PMS2: variants seen among roughly 807,000 people sequenced by gnomAD.
PMS2 encodes mismatch repair endonuclease PMS2.
Under a neutral mutation model 90.0 loss-of-function variants are expected in PMS2, and 69 were observed. That is an observed-to-expected ratio of 0.77 (90% confidence interval 0.63 to 0.94). The LOEUF (loss-of-function observed/expected upper bound fraction) is 0.94. Ranked by LOEUF, PMS2 falls within the 40% of genes least tolerant of loss-of-function variation. The pLI, the probability that PMS2 is intolerant of heterozygous loss-of-function variation, is 0.00. For missense variants in PMS2, 966 were observed against 1,040.2 expected (o/e 0.93, Z 0.98); for synonymous variants, 332 against 375.1 (o/e 0.89, Z 1.33).
intron 2 of PMS2, 56 bp from the exon 3 acceptor site, chr7:6,004,114 T>C (rs1785439988): frequency 1.1e-6 from 1 of 936,544 alleles, no homozygotes; most frequent in Non-Finnish European, 1.7e-6. Flanking sequence ...GCTATCAGTT[T>C]TTATATTGAC....
chr7:5,978,945 A>C (rs1381750754), intron 12 of PMS2, among the ~76,000 whole-genome samples: 1 of 149,124 alleles, frequency 6.7e-6, no homozygotes, highest in Non-Finnish European at 1.5e-5. Flanking sequence ...CTGTAATCTC[A>C]GCACTTTAGG....
At chr7:5,999,391 G>A (rs1562679971) in intron 5 of PMS2, 116 bp from the exon 6 acceptor site, 8 of 909,324 alleles carry the variant, frequency 8.8e-6, no homozygotes. Context: ...ATCAAGGGAA[G>A]CACTGTTGAC....
intron 11 of PMS2, among the ~76,000 whole-genome samples, chr7:5,983,576 T>C (rs1467517187): frequency 6.6e-6 from 1 of 151,908 alleles, no homozygotes; most frequent in African/African-American, 2.4e-5. Flanking sequence ...ATCTTAATTC[T>C]CCATTCTGTC....
chr7:5,982,139 C>T (rs1346953755), intron 12 of PMS2, among the ~76,000 whole-genome samples: 1 of 151,590 alleles, frequency 6.6e-6, no homozygotes, highest in Non-Finnish European at 1.5e-5. Flanking sequence ...CCTCAGTCTC[C>T]TGAGTAGCTG....
chr7:6,006,408 T>A (rs1196775307), intron 1 of PMS2, among the ~76,000 whole-genome samples: 1 of 152,114 alleles, frequency 6.6e-6, no homozygotes, highest in East Asian at 1.9e-4. Context: ...TCCCAGCACT[T>A]TGGGAAGCAG....
rs1554295876 is a variant in PMS2 at position 5,982,917 on chromosome 7, T to C, written c.2081A>G (p.Asp694Gly). Residue 694 changes from aspartate to glycine, a missense_variant, in exon 12 of 15, where the codon GAT becomes GGT. By Grantham distance (94) the Asp-to-Gly change is moderately conservative (BLOSUM62 -1). This residue lies in a region of PMS2 where 95 missense variants were observed against 237.8 expected (regional missense o/e 0.40). Transcript: ENST00000265849. ...GGCATGCTGGTCCACTATGAAGATA[T>C]CCTCATTCAGTTTGGTTATTATAAA... The part of the protein sequence containing the change: ...LGFIITKLNE[D>G]IFIVDQHATD... The C allele has an allele frequency of 6.3e-7, 1 of 1,594,950 alleles. No homozygotes were observed. Among genetic ancestry groups the C allele is most frequent in the Non-Finnish European group, 8.6e-7 (1 of 1,167,880 alleles).
chr7:6,005,859 A>G (rs1785680012), intron 2 of PMS2, 33 bp downstream of exon 2: 1 of 1,610,414 alleles, frequency 6.2e-7, no homozygotes, highest in Non-Finnish European at 8.5e-7. Flanking sequence ...TTCACAGATC[A>G]TTTCTTGTGG....
intron 11 of PMS2, among the ~76,000 whole-genome samples, chr7:5,985,557 C>CT (rs898216216): frequency 0.013 from 1,494 of 115,768 alleles, 29 homozygotes; most frequent in African/African-American, 0.042. Context: ...TTTTCTTTTT[C>CT]TTTTTTTTTT....
In PMS2 at chr7:5,979,201, C is replaced by CAAAA. The variant is rs60152367; in HGVS notation, c.2175-509_2175-506dup. 8.5e-3 allele frequency among the ~76,000 whole-genome samples: 418 copies of CAAAA among 49,260 alleles called. 5 individuals carry two copies. Among genetic ancestry groups the CAAAA allele is most frequent in the Middle Eastern group, 0.022 (2 of 90 alleles). 32.3% of individuals were successfully genotyped at this position (49,260 alleles called of 152,430 possible). A position where few individuals can be genotyped will look rare whatever the true frequency, so the allele number is the denominator to read the frequency against. On this transcript the variant is annotated intron_variant, in intron 12 of 14. Transcript: ENST00000265849. ...TGGGCGACACAACAAGACTCTGTCT[C>CAAAA]AAAAAAAAAAAAAAAAAAAAAACAC...
At chr7:6,003,645 G>A (rs780702072) in intron 4 of PMS2, 45 bp downstream of exon 4, 1 of 961,978 alleles carries the variant, frequency 1.0e-6, no homozygotes, top group African/African-American at 1.6e-5. Context: ...TTTTCAGAGA[G>A]GTTTCTCTAA....
chr7:5,989,122 T>C (rs892503769), intron 10 of PMS2, among the ~76,000 whole-genome samples: 2 of 152,122 alleles, frequency 1.3e-5, no homozygotes, highest in African/African-American at 4.8e-5. Flanking sequence ...AGTACTGGGA[T>C]TACAAGCATG....
chr7:5,990,725 G>T (rs1783642514), intron 9 of PMS2, among the ~76,000 whole-genome samples: 1 of 152,128 alleles, frequency 6.6e-6, no homozygotes, highest in Non-Finnish European at 1.5e-5. Flanking sequence ...AATAATTAAA[G>T]ATGTAGGCTG....
Position 5,990,069 on chromosome 7 carries a change from G to A in PMS2, c.989-114C>T, listed in dbSNP as rs112796669. ...GTCGCCTAGGCTGGAGTGCAGTGGC[G>A]CGATCTCAGCTCACTGCAACCTCCG... On this transcript the variant is annotated intron_variant, in intron 9 of 14. Coordinates refer to ENST00000265849, the MANE Select transcript of PMS2 (RefSeq NM_000535.7). The A allele has an allele frequency of 3.9e-4, 243 of 625,338 alleles. 1 individual carries two copies. Among genetic ancestry groups the A allele is most frequent in the Non-Finnish European group, 4.9e-4 (183 of 376,016 alleles). 38.7% of individuals were successfully genotyped at this position (625,338 alleles called of 1,614,324 possible).
At chr7:5,993,120 C>T (rs1442000084) in intron 8 of PMS2, among the ~76,000 whole-genome samples, 1 of 152,000 alleles carries the variant, frequency 6.6e-6, no homozygotes, top group Non-Finnish European at 1.5e-5. Context: ...CCTGTAATCC[C>T]AGCACTTTGG....
chr7:5,987,063 G>C lies in PMS2; in HGVS notation c.1702C>G (p.Pro568Ala), dbSNP rs786204115. The change falls in exon 11 of 15, where the codon CCA becomes GCA. Residue 568 changes from proline to alanine, a missense_variant. Physicochemically the swap from Pro to Ala is conservative, Grantham distance 27. This residue lies in a region of PMS2 where 871 missense variants were observed against 802.4 expected (regional missense o/e 1.09). Transcript: ENST00000265849. ...TGCKFRVLPQ[P>A]TNLATPNTKR... ...GTGTTTGGGGTTGCGAGATTAGTTG[G>C]CTGAGGCAAAACTCGAAATTTACAT... The C allele has an allele frequency of 3.7e-6, 6 of 1,614,116 alleles. No homozygotes were observed. The highest frequency in any genetic ancestry group is 8.5e-7 in the Non-Finnish European group (1 of 1,180,006).
chr7:5,978,904 G>C (rs1238721434), intron 12 of PMS2, among the ~76,000 whole-genome samples: 1 of 149,116 alleles, frequency 6.7e-6, no homozygotes, highest in Non-Finnish European at 1.5e-5. Context: ...AGAAGTTAAA[G>C]TAGCTACAGG....
At chr7:5,977,066 T>C (rs1039960780) in intron 14 of PMS2, among the ~76,000 whole-genome samples, 1 of 146,950 alleles carries the variant, frequency 6.8e-6, no homozygotes, top group Non-Finnish European at 1.5e-5. Context: ...GTTTTTTTTG[T>C]TTTTTTGAGA....
intron 14 of PMS2, among the ~76,000 whole-genome samples, chr7:5,977,156 G>A (rs1333962526): frequency 3.3e-5 from 5 of 151,420 alleles, no homozygotes; most frequent in African/African-American, 7.2e-5. Flanking sequence ...CTGGGTTCAC[G>A]CCATTCTCCT....
At chr7:5,994,642 G>T (rs1784171735) in intron 8 of PMS2, among the ~76,000 whole-genome samples, 2 of 151,842 alleles carry the variant, frequency 1.3e-5, no homozygotes, top group Non-Finnish European at 2.9e-5. Context: ...CAGGCGTGGT[G>T]GCAGGCACCT....
Sources: allele counts gnomAD v4.1 joint callset (sites outside exome capture counted in the v4.1 genomes callset), GRCh38; gene constraint gnomAD v4.1.1; regional missense constraint gnomAD v4.1.1; transcripts MANE v1.5; gene names NCBI Gene and HGNC (gene_info 2026-07-23, HGNC 2026-07-21).